The following SAMTOR variants were observed in gnomAD, a reference collection of about 807,000 sequenced individuals.
SAMTOR encodes the protein UPF0532 protein C7orf60.
the SAMTOR span, among the ~76,000 whole-genome samples, chr7:112,887,789 G>A: frequency 6.6e-6 from 1 of 151,936 alleles, no homozygotes; most frequent in Non-Finnish European, 1.5e-5. Flanking sequence ...GTAATGGTGG[G>A]CTCTCTTTCA....
the SAMTOR span, among the ~76,000 whole-genome samples, chr7:112,837,867 T>C: frequency 6.6e-6 from 1 of 151,962 alleles, no homozygotes; most frequent in Non-Finnish European, 1.5e-5. Context: ...AAGCACTGTA[T>C]TTAATACGTA....
At chr7:112,866,361 T>C in the SAMTOR span, among the ~76,000 whole-genome samples, 2 of 152,348 alleles carry the variant, frequency 1.3e-5, no homozygotes, top group African/African-American at 4.8e-5. Context: ...ATTTGGCTAT[T>C]ATCCACATAG....
At chr7:112,862,338 G>A in the SAMTOR span, among the ~76,000 whole-genome samples, 1 of 152,270 alleles carries the variant, frequency 6.6e-6, no homozygotes, top group East Asian at 1.9e-4. Context: ...AATTTTCCCT[G>A]TTTCAAACCT....
At chr7:112,851,389 C>T in the SAMTOR span, among the ~76,000 whole-genome samples, 1 of 152,046 alleles carries the variant, frequency 6.6e-6, no homozygotes, top group Non-Finnish European at 1.5e-5. Flanking sequence ...AGAAATAAAG[C>T]TACATACCTA....
the SAMTOR span, among the ~76,000 whole-genome samples, chr7:112,930,231 G>A: frequency 6.6e-6 from 1 of 152,088 alleles, no homozygotes; most frequent in Non-Finnish European, 1.5e-5. Flanking sequence ...AAAACAAAAT[G>A]TTCAGAATTC....
chr7:112,855,291 A>G, the SAMTOR span, among the ~76,000 whole-genome samples: 3 of 152,228 alleles, frequency 2.0e-5, no homozygotes, highest in Non-Finnish European at 4.4e-5. Context: ...CACTTTGAAA[A>G]CAACCCTAGG....
chr7:112,849,415 T>C, the SAMTOR span, among the ~76,000 whole-genome samples: 1 of 152,230 alleles, frequency 6.6e-6, no homozygotes, highest in South Asian at 2.1e-4. Flanking sequence ...GAAATTTTAC[T>C]TATCTTCTTT....
the SAMTOR span, among the ~76,000 whole-genome samples, chr7:112,913,106 G>C: frequency 1.3e-5 from 2 of 152,158 alleles, no homozygotes; most frequent in Non-Finnish European, 2.9e-5. Context: ...GGGAGAAAAT[G>C]TATATTCTGT....
At chr7:112,832,012 CT>C in the SAMTOR span, among the ~76,000 whole-genome samples, 487 of 131,042 alleles carry the variant, frequency 3.7e-3, 1 homozygote, top group Admixed American at 4.6e-3. Context: ...ACTGAAGTTT[CT>C]TTTTTTTTTT....
the SAMTOR span, chr7:112,819,399 G>GAAAT: frequency 1.3e-5 from 2 of 152,266 alleles, no homozygotes; most frequent in Admixed American, 6.5e-5. Flanking sequence ...TATCCAAAAT[G>GAAAT]AAATAATTCT....
chr7:112,854,539 A>G, the SAMTOR span, among the ~76,000 whole-genome samples: 2 of 152,214 alleles, frequency 1.3e-5, no homozygotes, highest in Non-Finnish European at 2.9e-5. Flanking sequence ...TTTCTCAAAG[A>G]GCATTTCATG....
chr7:112,819,836 G>GTGTAT, the SAMTOR span: 9 of 152,418 alleles, frequency 5.9e-5, no homozygotes, highest in Non-Finnish European at 1.3e-4. Flanking sequence ...TTTTCATTTG[G>GTGTAT]TGTATTGTTT....
At chr7:112,858,888 T>A in the SAMTOR span, among the ~76,000 whole-genome samples, 1 of 152,204 alleles carries the variant, frequency 6.6e-6, no homozygotes, top group Non-Finnish European at 1.5e-5. Flanking sequence ...CTGTGATGAT[T>A]AATATTATGC....
At chr7:112,892,745 C>T in the SAMTOR span, among the ~76,000 whole-genome samples, 2 of 151,362 alleles carry the variant, frequency 1.3e-5, no homozygotes, top group African/African-American at 2.4e-5. Flanking sequence ...CCACTCCAGC[C>T]TGGGCAACAG....
the SAMTOR span, among the ~76,000 whole-genome samples, chr7:112,850,686 C>T: frequency 1.2e-4 from 19 of 152,118 alleles, no homozygotes; most frequent in African/African-American, 4.3e-4. Flanking sequence ...CTAGTCTGTG[C>T]ATGTAGTTTG....
chr7:112,891,977 C>T, the SAMTOR span, among the ~76,000 whole-genome samples: 1 of 152,212 alleles, frequency 6.6e-6, no homozygotes. Context: ...TCTGAAGCAT[C>T]AGCATGTGAT....
chr7:112,876,460 A>T, the SAMTOR span, among the ~76,000 whole-genome samples: 14 of 151,938 alleles, frequency 9.2e-5, no homozygotes, highest in Admixed American at 7.9e-4. Flanking sequence ...TATGTTCTCT[A>T]CCCCACAATA....
At chr7:112,933,266 T>C in the SAMTOR span, among the ~76,000 whole-genome samples, 1 of 152,120 alleles carries the variant, frequency 6.6e-6, no homozygotes, top group African/African-American at 2.4e-5. Flanking sequence ...ATGTATGAGA[T>C]TGCTCTAGGA....
At chr7:112,837,005 T>C in the SAMTOR span, among the ~76,000 whole-genome samples, 1 of 152,166 alleles carries the variant, frequency 6.6e-6, no homozygotes, top group Non-Finnish European at 1.5e-5. Context: ...TTGATGAAAA[T>C]AGCACTGGAT....
Sources: gnomAD v4.1 joint callset for allele counts (sites outside exome capture counted in the v4.1 genomes callset) on GRCh38, gnomAD v4.1.1 for gene constraint, MANE v1.5 for transcripts, NCBI Gene and HGNC (gene_info 2026-07-23, HGNC 2026-07-21) for gene names.